The following TRPA1 variants were observed in gnomAD, a reference collection of about 807,000 sequenced individuals.
TRPA1 encodes ankyrin-like with transmembrane domains 1.
TRPA1 carries 129 observed loss-of-function variants against 131.3 expected under a neutral mutation model. That is an observed-to-expected ratio of 0.98 (90% confidence interval 0.85 to 1.14). The LOEUF is 1.14. TRPA1 is among the 50% of genes most tolerant of loss of function. The probability of loss-of-function intolerance (pLI) is 0.00; values close to 1 mark genes in which losing one functional copy is unlikely to be tolerated. For missense variants in TRPA1, 1,304 were observed against 1,354.2 expected, an observed-to-expected ratio of 0.96 and a Z score of 0.58; for synonymous variants, 441 against 451.7, an observed-to-expected ratio of 0.98 and a Z score of 0.30.
chr8:72,056,017 G>C, intron 10 of TRPA1, 162 bp from the exon 11 acceptor site: 4 of 671,152 alleles, frequency 6.0e-6, no homozygotes, highest in South Asian at 1.8e-5. Context: ...ATATAAATAT[G>C]AATGAAGTTG....
chr8:72,050,812 G>T lies in TRPA1; in HGVS notation c.1871C>A (p.Thr624Lys), dbSNP rs1190864009. The stretch of plus-strand genomic sequence containing the variant: ...TTCAGGGAGGTATTCTATCATTTCT[G>T]TAATTGGACATTTATTGCCTGGAGA... ...HNSPGNKCPI[T>K]EMIEYLPECM... Residue 624 changes from threonine to lysine, a missense_variant, in exon 15 of 27, where the codon ACA becomes AAA. Thr to Lys is a moderately conservative substitution (Grantham distance 78). Coordinates refer to ENST00000262209, the MANE Select transcript of TRPA1 (RefSeq NM_007332.3). The T allele has an allele frequency of 1.2e-6, 2 of 1,611,968 alleles. No individual in the cohort carries two copies. Among genetic ancestry groups the T allele is most frequent in the Non-Finnish European group, 1.7e-6 (2 of 1,178,946 alleles).
At chr8:72,089,223 G>T in the TRPA1 span, among the ~76,000 whole-genome samples, 99 of 152,168 alleles carry the variant, frequency 6.5e-4, no homozygotes, top group African/African-American at 2.1e-3. Context: ...CGTGATATCT[G>T]CCAGTGAATG....
intron 16 of TRPA1, among the ~76,000 whole-genome samples, chr8:72,046,868 A>G (rs556932128): frequency 6.6e-6 from 1 of 152,184 alleles, no homozygotes; most frequent in Admixed American, 6.6e-5. Context: ...TCAAAAGATC[A>G]TTTAGATCTT....
At position 72,052,668 on chromosome 8, in the gene TRPA1, G is replaced by A. The variant is rs1805540263; in HGVS notation, c.1742C>T (p.Ala581Val). ...GTGAAGTGCAAGGTGCAAAAAGGAGGCCTGCTGCTTGTTCAGGACTATGTC... is the reference window on the plus strand; with the variant it reads ...GTGAAGTGCAAGGTGCAAAAAGGAGACCTGCTGCTTGTTCAGGACTATGTC... ...NADIVLNKQQ[A>V]SFLHLALHNK... Residue 581 changes from alanine (A) to valine (V), a missense_variant, in exon 14 of 27, where the codon GCC becomes GTC. Transcript: ENST00000262209. The A allele has an allele frequency of 1.9e-6, 3 of 1,613,776 alleles. No individual in the cohort carries two copies. Among genetic ancestry groups the A allele is most frequent in the Non-Finnish European group, 2.5e-6 (3 of 1,179,846 alleles).
At chr8:72,050,242 C>T (rs1371957142) in intron 15 of TRPA1, among the ~76,000 whole-genome samples, 1 of 152,100 alleles carries the variant, frequency 6.6e-6, no homozygotes, top group Non-Finnish European at 1.5e-5. Flanking sequence ...TGGTTTCCAG[C>T]TTCATCCATG....
intron 23 of TRPA1, among the ~76,000 whole-genome samples, chr8:72,032,820 T>C (rs1214122576): frequency 6.6e-6 from 1 of 152,222 alleles, no homozygotes; most frequent in Non-Finnish European, 1.5e-5. Flanking sequence ...TGCATAATTT[T>C]TTTTCCTTTC....
chr8:72,053,904 TA>T (rs1328637521), intron 12 of TRPA1, 37 bp from the exon 13 acceptor site: 1 of 1,501,588 alleles, frequency 6.7e-7, no homozygotes, highest in Non-Finnish European at 9.2e-7. Flanking sequence ...TGCATACACT[TA>T]ACAGATGAAA....
At chr8:72,044,500 A>G (rs958680942) in intron 17 of TRPA1, among the ~76,000 whole-genome samples, 32 of 152,038 alleles carry the variant, frequency 2.1e-4, no homozygotes, top group African/African-American at 7.5e-4. Context: ...CAGAAAACCT[A>G]CCCCTTGAGG....
chr8:72,049,113 TA>T (rs889226859), intron 15 of TRPA1, among the ~76,000 whole-genome samples: 3 of 151,680 alleles, frequency 2.0e-5, no homozygotes, highest in African/African-American at 7.3e-5. Context: ...TTAGGCATCA[TA>T]AAAAAACCGT....
chr8:72,061,739 T>C lies in TRPA1; in HGVS notation c.830A>G (p.His277Arg). ...AGTGGCTCCCTGGGTGGCAGCAAAA[T>C]GAATGGCTGTGCACCTTCCCTTCTG... ...PVEKGRCTAI[H>R]FAATQGATEI... is the part of the protein sequence containing the mutation. The change falls in exon 7 of 27, where the codon CAT becomes CGT. Residue 277 changes from histidine to arginine, a missense_variant. By Grantham distance (29) the His-to-Arg change is conservative. Coordinates refer to ENST00000262209, the MANE Select transcript of TRPA1 (RefSeq NM_007332.3). 1 of 1,614,016 alleles carries C rather than the reference T, an allele frequency of 6.2e-7. No homozygotes were observed. Among genetic ancestry groups the C allele is most frequent in the East Asian group, 2.2e-5 (1 of 44,868 alleles).
chr8:72,083,740 CA>C, the TRPA1 span, among the ~76,000 whole-genome samples: 5,807 of 151,876 alleles, frequency 0.038, 377 homozygotes, highest in African/African-American at 0.13. Context: ...GAGACCATCT[CA>C]AAAAACAAAA....
rs1013250459 is a variant in TRPA1, at chr8:72,053,963, A to G, written c.1530-96T>C. The G allele has an allele frequency of 9.7e-5, 79 of 811,204 alleles. No homozygotes were observed. The African/African-American group carries it at 1.1e-3, about 12-fold the overall frequency. 50.3% of individuals were successfully genotyped at this position (811,204 alleles called of 1,614,324 possible). On this transcript the variant is annotated intron_variant, in intron 12 of 26. Transcript: ENST00000262209. ...CTTATTCTAGGTAAATCTGATGACA[A>G]CAAAAAGCATTATTGAGATCTGGCA...
At chr8:72,043,201 T>C (rs998642616) in intron 17 of TRPA1, among the ~76,000 whole-genome samples, 2 of 151,850 alleles carry the variant, frequency 1.3e-5, no homozygotes, top group Admixed American at 6.6e-5. Context: ...GTATCATCAT[T>C]GCTTACTTGT....
intron 23 of TRPA1, among the ~76,000 whole-genome samples, chr8:72,033,167 G>A (rs1811897011): frequency 6.6e-6 from 1 of 152,188 alleles, no homozygotes; most frequent in African/African-American, 2.4e-5. Context: ...GTAAGTTCGA[G>A]CATAGAGATA....
Position 72,025,988 on chromosome 8 carries a change from T to C in TRPA1, c.3023A>G (p.Asn1008Ser). Residue 1008 changes from asparagine to serine, a missense_variant, in exon 25 of 27, where the codon AAC becomes AGC. Transcript: ENST00000262209. ...VDQKSTIVYP[N>S]KPRSGGMLFH... ...TAACATCCCACCAGATCTGGGTTTG[T>C]TGGGATACACGATGGTGGATTTCTG... 3.1e-6 allele frequency: 5 copies of C among 1,613,826 alleles called. No individual in the cohort carries two copies. The highest frequency in any genetic ancestry group is 2.2e-5 in the South Asian group (2 of 91,082).
At chr8:72,057,534 G>A (rs1805699547) in intron 9 of TRPA1, among the ~76,000 whole-genome samples, 183 bp downstream of exon 9, 1 of 152,184 alleles carries the variant, frequency 6.6e-6, no homozygotes, top group Admixed American at 6.5e-5. Context: ...CTCCCTTACT[G>A]GACAGAAAAT....
At chr8:72,086,644 A>G in the TRPA1 span, among the ~76,000 whole-genome samples, 4 of 152,270 alleles carry the variant, frequency 2.6e-5, no homozygotes, top group Non-Finnish European at 5.9e-5. Flanking sequence ...TCATTTCTTT[A>G]TAAGTTATTT....
intron 2 of TRPA1, among the ~76,000 whole-genome samples, chr8:72,069,761 A>G (rs535814369): frequency 1.3e-5 from 2 of 152,198 alleles, no homozygotes; most frequent in East Asian, 1.9e-4. Flanking sequence ...AAAAAAAAAC[A>G]TATATTCATA....
chr8:72,062,527 G>T (rs531164271), intron 6 of TRPA1, among the ~76,000 whole-genome samples: 1 of 152,186 alleles, frequency 6.6e-6, no homozygotes, highest in East Asian at 1.9e-4. Flanking sequence ...TCTTCTGAGG[G>T]TAGGCCTTAA....
Sources: gnomAD v4.1 joint callset for allele counts (sites outside exome capture counted in the v4.1 genomes callset) on GRCh38, gnomAD v4.1.1 for gene constraint, MANE v1.5 for transcripts, NCBI Gene and HGNC (gene_info 2026-07-23, HGNC 2026-07-21) for gene names.